Variants in GALNT13 observed in about 807,000 individuals in gnomAD.
GALNT13 encodes polypeptide N-acetylgalactosaminyltransferase 13.
In GALNT13, 28 loss-of-function variants were observed where a neutral mutation model predicts 64.2. The observed-to-expected ratio is 0.44, with a 90% CI of 0.32 to 0.60. The LOEUF (loss-of-function observed/expected upper bound fraction) is 0.60. GALNT13 is among the 20% of genes least tolerant of loss of function. The pLI is 0.05. For missense variants in GALNT13, 577 were observed against 669.8 expected, an observed-to-expected ratio of 0.86 and a Z score of 1.53; for synonymous variants, 214 against 224.6, an observed-to-expected ratio of 0.95 and a Z score of 0.42.
chr2:153,838,078 T>C, the GALNT13 span, among the ~76,000 whole-genome samples: 1 of 152,096 alleles, frequency 6.6e-6, no homozygotes, highest in African/African-American at 2.4e-5. Flanking sequence ...TAAATCTCTA[T>C]TCAGGTCCTT....
the GALNT13 span, among the ~76,000 whole-genome samples, chr2:153,443,882 C>A: frequency 2.7e-4 from 41 of 152,150 alleles, no homozygotes; most frequent in East Asian, 7.6e-3. Flanking sequence ...GAGATCATGC[C>A]ATTGCACTCC....
chr2:154,309,843 GTCTCTTATTT>G (rs571012390), intron 9 of GALNT13, among the ~76,000 whole-genome samples: 2 of 152,158 alleles, frequency 1.3e-5, no homozygotes, highest in East Asian at 3.9e-4. Flanking sequence ...ATTATCACTG[GTCTCTTATTT>G]TCCTAACAAC....
At chr2:153,995,527 G>T (rs541357361) in intron 3 of GALNT13, among the ~76,000 whole-genome samples, 17 of 152,080 alleles carry the variant, frequency 1.1e-4, no homozygotes, top group Non-Finnish European at 1.9e-4. Flanking sequence ...AAAAGTTTTT[G>T]TTTATATTTG....
rs529350033 is a variant in GALNT13 at position 154,268,383 on chromosome 2, A to G, written c.975+9245A>G. ...AATGCAAACTAATCTATGAAATCAG[A>G]TAACTTGTCTGGGGACATGAGATTG... On this transcript the variant is annotated intron_variant, in intron 8 of 12. Transcript: ENST00000392825. 2.0e-5 allele frequency among the ~76,000 whole-genome samples: 3 copies of G among 152,322 alleles called. No homozygotes were observed. In the South Asian group the frequency reaches 6.2e-4, roughly 32 times the overall value.
chr2:153,975,744 T>C (rs1015867251), intron 3 of GALNT13, among the ~76,000 whole-genome samples: 3 of 152,132 alleles, frequency 2.0e-5, no homozygotes, highest in Non-Finnish European at 4.4e-5. Context: ...GGAGATGATG[T>C]ATAGCTTGGT....
chr2:154,427,922 A>G (rs757811834), intron 11 of GALNT13, among the ~76,000 whole-genome samples: 19 of 152,316 alleles, frequency 1.2e-4, no homozygotes, highest in Non-Finnish European at 2.4e-4. Flanking sequence ...GATGGTGTGA[A>G]TATGGAGGAA....
chr2:153,924,904 T>G (rs1690012213), intron 2 of GALNT13, among the ~76,000 whole-genome samples: 3 of 152,144 alleles, frequency 2.0e-5, no homozygotes, highest in Non-Finnish European at 4.4e-5. Flanking sequence ...TTTGATGCCA[T>G]TGTTTTTGGC....
At chr2:153,872,732 C>G (rs1284056582) in intron 1 of GALNT13, among the ~76,000 whole-genome samples, 41 of 152,002 alleles carry the variant, frequency 2.7e-4, no homozygotes, top group Admixed American at 2.7e-3. Context: ...TGCAGGCAGC[C>G]CCGGCTGCGT....
chr2:153,350,413 C>T, the GALNT13 span, among the ~76,000 whole-genome samples: 6 of 129,424 alleles, frequency 4.6e-5, no homozygotes, highest in Admixed American at 8.3e-5. Context: ...GACGGAGTTG[C>T]GTTCTGTTGC....
At chr2:154,284,179 A>G (rs1692125425) in intron 8 of GALNT13, among the ~76,000 whole-genome samples, 1 of 152,170 alleles carries the variant, frequency 6.6e-6, no homozygotes, top group Admixed American at 6.5e-5. Flanking sequence ...CATCATCATT[A>G]ACTGTGGTCA....
chr2:154,311,921 G>T (rs534671576), intron 9 of GALNT13, among the ~76,000 whole-genome samples: 2 of 152,296 alleles, frequency 1.3e-5, no homozygotes, highest in African/African-American at 4.8e-5. Flanking sequence ...AGAGTTTAAG[G>T]TTATCTCTCT....
the GALNT13 span, among the ~76,000 whole-genome samples, chr2:153,325,119 T>TGTTTTTG: frequency 1.9e-4 from 4 of 20,830 alleles, no homozygotes; most frequent in Non-Finnish European, 8.9e-4. Context: ...CCTGGGTTTT[T>TGTTTTTG]TTTTTTTTTT....
At chr2:154,160,714 A>T in intron 4 of GALNT13, among the ~76,000 whole-genome samples, 1 of 152,202 alleles carries the variant, frequency 6.6e-6, no homozygotes, top group East Asian at 1.9e-4. Context: ...CTGAAAATAC[A>T]TGTTTTAAGA....
At chr2:153,377,813 T>A in the GALNT13 span, among the ~76,000 whole-genome samples, 2,873 of 152,246 alleles carry the variant, frequency 0.019, 104 homozygotes, top group African/African-American at 0.065. Flanking sequence ...AAAATGTGCA[T>A]TCACATCCAT....
At chr2:153,250,546 A>G in the GALNT13 span, among the ~76,000 whole-genome samples, 3 of 152,204 alleles carry the variant, frequency 2.0e-5, no homozygotes, top group Non-Finnish European at 4.4e-5. Context: ...TACCCATAGG[A>G]TTATAAATCA....
chr2:153,967,671 CATG>C (rs1012608180), intron 3 of GALNT13, among the ~76,000 whole-genome samples: 1 of 152,068 alleles, frequency 6.6e-6, no homozygotes, highest in African/African-American at 2.4e-5. Context: ...CAGCTGGTAT[CATG>C]AGGAGTCACA....
At chr2:154,035,310 CCTGTAG>C (rs1574383578) in intron 3 of GALNT13, among the ~76,000 whole-genome samples, 1 of 151,906 alleles carries the variant, frequency 6.6e-6, no homozygotes, top group African/African-American at 2.4e-5. Flanking sequence ...ATGCGAATAA[CCTGTAG>C]CTTAATTATT....
the GALNT13 span, among the ~76,000 whole-genome samples, chr2:153,751,993 A>G: frequency 6.7e-6 from 1 of 150,274 alleles, no homozygotes; most frequent in Non-Finnish European, 1.5e-5. Context: ...TTGTGTATTC[A>G]TTGTATGTTT....
At chr2:153,625,124 A>G in the GALNT13 span, among the ~76,000 whole-genome samples, 3 of 152,046 alleles carry the variant, frequency 2.0e-5, no homozygotes, top group Admixed American at 6.6e-5. Context: ...TTTAATTAGA[A>G]AGGCTTTTGA....
Sources: allele counts gnomAD v4.1 joint callset (sites outside exome capture counted in the v4.1 genomes callset), GRCh38; gene constraint gnomAD v4.1.1; transcripts MANE v1.5; gene names NCBI Gene and HGNC (gene_info 2026-07-23, HGNC 2026-07-21).